TSNARE1: variants seen among roughly 807,000 people sequenced by gnomAD.
TSNARE1 encodes the protein t-SNARE domain containing 1.
Under a neutral mutation model 62.0 loss-of-function variants are expected in TSNARE1, and 49 were observed. The ratio of observed to expected loss-of-function variants is 0.79; its 90% CI spans 0.63 to 1.00. The LOEUF (loss-of-function observed/expected upper bound fraction) is 1.00, where lower values mean the gene tolerates loss of function less well. Among genes scored for constraint, TSNARE1 ranks in the 50% least tolerant of loss-of-function variants. The pLI is 0.00. For missense variants in TSNARE1, 755 were observed against 700.1 expected (o/e 1.08, Z -0.88); for synonymous variants, 328 against 294.4 (o/e 1.11, Z -1.17).
At chr8:142,333,213 C>T (rs1831302408) in intron 4 of TSNARE1, among the ~76,000 whole-genome samples, 1 of 152,176 alleles carries the variant, frequency 6.6e-6, no homozygotes, top group Non-Finnish European at 1.5e-5. Context: ...GTGCAGTTCA[C>T]TGTACATAAA....
chr8:142,369,619 A>G (rs1396155094), intron 1 of TSNARE1, among the ~76,000 whole-genome samples: 1 of 152,168 alleles, frequency 6.6e-6, no homozygotes, highest in African/African-American at 2.4e-5. Flanking sequence ...GCAGTGGGGA[A>G]GCTCAGCAGA....
At chr8:142,382,865 G>A (rs1447105223) in intron 1 of TSNARE1, among the ~76,000 whole-genome samples, 3 of 152,242 alleles carry the variant, frequency 2.0e-5, no homozygotes, top group African/African-American at 4.8e-5. Context: ...GATCAACCAC[G>A]GAGTGGGCCC....
In TSNARE1 at chr8:142,367,941, T is replaced by A. The variant is rs1835672078; in HGVS notation, c.-39-13178A>T. ...ATAAAAAGAATACACTCCAAATGGA[T>A]CATGGCTATCAATACAAAAAAGATA... On this transcript the variant is annotated intron_variant, in intron 1 of 13. Transcript: ENST00000524325. Among the ~76,000 whole-genome samples the A allele has an allele frequency of 2.6e-5, 4 of 152,220 alleles. No homozygotes were observed. In the South Asian group the frequency reaches 8.3e-4, roughly 32 times the overall value.
chr8:142,241,647 A>G (rs1198808150), intron 12 of TSNARE1, among the ~76,000 whole-genome samples: 1 of 152,228 alleles, frequency 6.6e-6, no homozygotes, highest in African/African-American at 2.4e-5. Context: ...TACTGGCACA[A>G]AAACAGACGT....
At chr8:142,271,263 C>A in intron 12 of TSNARE1, 1 of 1,035,776 alleles carries the variant, frequency 9.7e-7, no homozygotes, top group Non-Finnish European at 1.2e-6. Flanking sequence ...ACCAGCCTCT[C>A]GAGGGTCCGG....
chr8:142,301,041 C>T (rs1055035540), intron 9 of TSNARE1, among the ~76,000 whole-genome samples: 2 of 82,664 alleles, frequency 2.4e-5, no homozygotes, highest in African/African-American at 1.0e-4. Flanking sequence ...AGCGGTGATC[C>T]CACCCCACAG....
intron 1 of TSNARE1, among the ~76,000 whole-genome samples, chr8:142,398,341 C>G (rs1439403872): frequency 1.3e-5 from 2 of 151,268 alleles, no homozygotes; most frequent in Non-Finnish European, 3.0e-5. Flanking sequence ...AAACACACCC[C>G]TAGCCCTGCC....
At chr8:142,381,474 C>CG (rs977328209) in intron 1 of TSNARE1, among the ~76,000 whole-genome samples, 3 of 152,216 alleles carry the variant, frequency 2.0e-5, no homozygotes, top group Admixed American at 6.5e-5. Context: ...CAGCGCCCCC[C>CG]CCCACCCCAC....
intron 12 of TSNARE1, among the ~76,000 whole-genome samples, chr8:142,263,605 C>T (rs985263807): frequency 2.6e-5 from 4 of 152,176 alleles, no homozygotes; most frequent in African/African-American, 7.2e-5. Context: ...GGGTAGAATA[C>T]GCTTTAAAAA....
chr8:142,217,990 A>G lies in TSNARE1; in HGVS notation c.*12-5677T>C, dbSNP rs184867513. Reference sequence around the variant, plus strand: ...TGTGACCAGGATCAGGGCTCAGAGTATGAGCAGGATCAGGGCTCAGTGTGT... The same window carrying G: ...TGTGACCAGGATCAGGGCTCAGAGTGTGAGCAGGATCAGGGCTCAGTGTGT... On this transcript the variant is annotated intron_variant, in intron 13 of 13. Coordinates refer to ENST00000524325, the MANE Select transcript of TSNARE1 (RefSeq NM_145003.5). Among the ~76,000 whole-genome samples the G allele has an allele frequency of 5.3e-3, 282 of 52,742 alleles. 2 individuals carry two copies. Among genetic ancestry groups the G allele is most frequent in the African/African-American group, 8.0e-3 (80 of 9,996 alleles). 34.6% of individuals were successfully genotyped at this position (52,742 alleles called of 152,430 possible). A position where few individuals can be genotyped will look rare whatever the true frequency, so the allele number is the denominator to read the frequency against.
intron 12 of TSNARE1, chr8:142,272,490 CTTCT>C (rs1299166430): frequency 5.2e-6 from 1 of 191,932 alleles, no homozygotes; most frequent in Non-Finnish European, 7.2e-6. Context: ...CTACACCTTC[CTTCT>C]TCCATCCATC....
At chr8:142,367,668 T>C (rs574796223) in intron 1 of TSNARE1, among the ~76,000 whole-genome samples, 6 of 152,294 alleles carry the variant, frequency 3.9e-5, no homozygotes, top group African/African-American at 1.2e-4. Flanking sequence ...TTCAAAACGG[T>C]GAACTTTAGG....
At chr8:142,262,277 A>G (rs998261867) in intron 12 of TSNARE1, among the ~76,000 whole-genome samples, 4 of 151,952 alleles carry the variant, frequency 2.6e-5, no homozygotes, top group Non-Finnish European at 5.9e-5. Context: ...GAGCCTATAG[A>G]TTTGGGAATT....
chr8:142,314,122 A>G (rs1368245009), intron 9 of TSNARE1, among the ~76,000 whole-genome samples: 1 of 152,212 alleles, frequency 6.6e-6, no homozygotes, highest in Non-Finnish European at 1.5e-5. Flanking sequence ...AGTGGCTCTC[A>G]GCAGGAGAGC....
intron 13 of TSNARE1, among the ~76,000 whole-genome samples, chr8:142,221,998 CACTG>C (rs199570921): frequency 2.5e-5 from 2 of 78,770 alleles, no homozygotes; most frequent in Non-Finnish European, 3.6e-5. Context: ...TTCACTCACT[CACTG>C]ATTCACTCAC....
At chr8:142,303,762 T>G (rs1451272666) in intron 9 of TSNARE1, among the ~76,000 whole-genome samples, 1 of 152,110 alleles carries the variant, frequency 6.6e-6, no homozygotes, top group African/African-American at 2.4e-5. Flanking sequence ...TGGGGCGACC[T>G]CACTAGTCCC....
intron 4 of TSNARE1, among the ~76,000 whole-genome samples, chr8:142,338,644 G>A (rs1832113515): frequency 6.6e-6 from 1 of 152,256 alleles, no homozygotes; most frequent in Admixed American, 6.5e-5. Context: ...GCTGCCACCA[G>A]GCATGACACT....
At chr8:142,315,445 T>C (rs969499894) in intron 7 of TSNARE1, among the ~76,000 whole-genome samples, 6 of 152,234 alleles carry the variant, frequency 3.9e-5, no homozygotes, top group Non-Finnish European at 8.8e-5. Context: ...TGTGGTCACA[T>C]AGGTGGTGGG....
At chr8:142,269,770 C>A in intron 12 of TSNARE1, 5 of 985,148 alleles carry the variant, frequency 5.1e-6, no homozygotes, top group Non-Finnish European at 6.0e-6. Context: ...GGAGGCCCCG[C>A]CCAGAACCAA....
Sources: gnomAD v4.1 joint callset for allele counts (sites outside exome capture counted in the v4.1 genomes callset) on GRCh38, gnomAD v4.1.1 for gene constraint, MANE v1.5 for transcripts, NCBI Gene and HGNC (gene_info 2026-07-23, HGNC 2026-07-21) for gene names.